BICC1: variants seen among roughly 807,000 people sequenced by gnomAD.
The protein encoded by BICC1 is protein bicaudal C homolog 1.
Under a neutral mutation model 111.0 loss-of-function variants are expected in BICC1, and 43 were observed. That is an observed-to-expected ratio of 0.39 (90% CI 0.30 to 0.50). BICC1 has a LOEUF of 0.50. Among genes scored for constraint, BICC1 ranks in the 20% least tolerant of loss-of-function variants. The pLI, the probability that BICC1 is intolerant of heterozygous loss-of-function variation, is 0.88. For synonymous variants in BICC1, 467 were observed against 434.4 expected (o/e 1.07, Z -0.93); for missense variants, 1,091 against 1,203.2 (o/e 0.91, Z 1.38).
intron 3 of BICC1, chr10:58,715,872 T>A: frequency 8.2e-7 from 1 of 1,216,660 alleles, no homozygotes; most frequent in South Asian, 1.3e-5. Flanking sequence ...GGTATTCATC[T>A]TCTTCATCAA....
At chr10:58,605,995 A>T (rs4245599) in intron 1 of BICC1, among the ~76,000 whole-genome samples, 3 of 151,728 alleles carry the variant, frequency 2.0e-5, no homozygotes, top group Non-Finnish European at 4.4e-5. Context: ...TTCTTTCTAC[A>T]CTGTCTAATG....
intron 2 of BICC1, among the ~76,000 whole-genome samples, chr10:58,644,251 A>G (rs1049027196): frequency 3.3e-5 from 5 of 152,302 alleles, no homozygotes; most frequent in East Asian, 1.9e-4. Flanking sequence ...AGATCTCTCA[A>G]TTCTCAGGGA....
intron 1 of BICC1, among the ~76,000 whole-genome samples, chr10:58,571,636 A>G (rs1275469457): frequency 6.6e-6 from 1 of 152,040 alleles, no homozygotes; most frequent in Non-Finnish European, 1.5e-5. Context: ...AATGGCCTTG[A>G]GTTCCATCCA....
intron 2 of BICC1, among the ~76,000 whole-genome samples, chr10:58,690,571 C>A (rs1348078173): frequency 6.6e-6 from 1 of 152,192 alleles, no homozygotes; most frequent in East Asian, 1.9e-4. Flanking sequence ...ACAATGAATA[C>A]ATACCTCCTT....
intron 2 of BICC1, among the ~76,000 whole-genome samples, chr10:58,690,836 A>G (rs1839887081): frequency 6.6e-6 from 1 of 152,106 alleles, no homozygotes; most frequent in Non-Finnish European, 1.5e-5. Context: ...CTAAAAAAGC[A>G]TGTGTGAATC....
chr10:58,541,778 G>A (rs1047370925), intron 1 of BICC1, among the ~76,000 whole-genome samples: 3 of 151,956 alleles, frequency 2.0e-5, no homozygotes, highest in Non-Finnish European at 2.9e-5. Context: ...AACAAAGCTC[G>A]AAACCTCGTA....
At chr10:58,719,461 C>T (rs914062549) in intron 3 of BICC1, among the ~76,000 whole-genome samples, 44 of 152,240 alleles carry the variant, frequency 2.9e-4, no homozygotes, top group African/African-American at 1.0e-3. Context: ...CTAACACTCT[C>T]TTTCTTGCAC....
chr10:58,670,358 T>C (rs1446049228), intron 2 of BICC1, among the ~76,000 whole-genome samples: 1 of 152,156 alleles, frequency 6.6e-6, no homozygotes, highest in African/African-American at 2.4e-5. Context: ...TCTACAAATG[T>C]ATATATCTAT....
At chr10:58,775,939 C>CT (rs1842738484) in intron 3 of BICC1, among the ~76,000 whole-genome samples, 1 of 152,154 alleles carries the variant, frequency 6.6e-6, no homozygotes, top group Non-Finnish European at 1.5e-5. Flanking sequence ...ATTAGCTGCT[C>CT]TTTAGTGTAA....
At chr10:58,740,286 T>C (rs1841615891) in intron 3 of BICC1, among the ~76,000 whole-genome samples, 1 of 152,212 alleles carries the variant, frequency 6.6e-6, no homozygotes, top group Non-Finnish European at 1.5e-5. Context: ...CCTGTTGAAT[T>C]CTAAAAGATT....
At chr10:58,820,547 C>T in intron 20 of BICC1, 79 bp downstream of exon 20, 1 of 1,015,602 alleles carries the variant, frequency 9.8e-7, no homozygotes, top group Non-Finnish European at 1.5e-6. Context: ...TTGTTTCTAC[C>T]CATTAACTGC....
Position 58,522,125 on chromosome 10 carries a change from C to G in BICC1, c.190+8792C>G, listed in dbSNP as rs917658268. Among the ~76,000 whole-genome samples, 9 of 151,744 alleles carry G rather than the reference C, an allele frequency of 5.9e-5. No homozygotes were observed. In the South Asian group the frequency reaches 1.5e-3, roughly 25 times the overall value. On this transcript the variant is annotated intron_variant, in intron 1 of 20. Transcript: ENST00000373886. Reference sequence around the variant, plus strand: ...GTTTATAGTGGCTTGTTGTAAGGGACTTGGGGGAGGAGCACAAATCTATAT... The same window carrying G: ...GTTTATAGTGGCTTGTTGTAAGGGAGTTGGGGGAGGAGCACAAATCTATAT...
chr10:58,660,493 A>T (rs1015637053), intron 2 of BICC1, among the ~76,000 whole-genome samples: 11 of 152,118 alleles, frequency 7.2e-5, no homozygotes, highest in African/African-American at 2.4e-4. Context: ...ATTAAAAAAA[A>T]AAAAGAGTTC....
At chr10:58,530,455 C>T (rs557539922) in intron 1 of BICC1, among the ~76,000 whole-genome samples, 3 of 151,770 alleles carry the variant, frequency 2.0e-5, no homozygotes, top group South Asian at 2.1e-4. Flanking sequence ...GCCTTTCCTG[C>T]GATTCTGTGT....
intron 2 of BICC1, among the ~76,000 whole-genome samples, chr10:58,639,610 T>C (rs1588959733): frequency 7.5e-6 from 1 of 133,432 alleles, no homozygotes; most frequent in African/African-American, 2.9e-5. Flanking sequence ...AGCGATGGGG[T>C]TTCACCATGT....
At chr10:58,792,411 C>G (rs1843210246) in intron 8 of BICC1, among the ~76,000 whole-genome samples, 1 of 152,028 alleles carries the variant, frequency 6.6e-6, no homozygotes, top group African/African-American at 2.4e-5. Flanking sequence ...GTCCTCAATC[C>G]CCGGGACAAG....
At chr10:58,519,934 C>T (rs1842346374) in intron 1 of BICC1, among the ~76,000 whole-genome samples, 2 of 152,204 alleles carry the variant, frequency 1.3e-5, no homozygotes. Context: ...GTCCTCCCTC[C>T]TCCCACTGTC....
At chr10:58,827,361 G>A (rs1317900417) in intron 20 of BICC1, among the ~76,000 whole-genome samples, 4 of 152,214 alleles carry the variant, frequency 2.6e-5, no homozygotes, top group African/African-American at 4.8e-5. Context: ...GAAAAAAACT[G>A]TGTCCAGATG....
chr10:58,816,275 A>G (rs1015731193), intron 18 of BICC1, among the ~76,000 whole-genome samples: 2 of 152,048 alleles, frequency 1.3e-5, no homozygotes, highest in African/African-American at 4.8e-5. Flanking sequence ...GTACCTCAAT[A>G]GTCACTCCTC....
Sources: allele counts gnomAD v4.1 joint callset (sites outside exome capture counted in the v4.1 genomes callset), GRCh38; gene constraint gnomAD v4.1.1; transcripts MANE v1.5; gene names NCBI Gene and HGNC (gene_info 2026-07-23, HGNC 2026-07-21).